ZP3: variants seen among roughly 807,000 people sequenced by gnomAD.
The protein encoded by ZP3 is zona pellucida glycoprotein 3.
A neutral mutation model predicts 35.6 loss-of-function variants in ZP3; 21 were observed. That is an observed-to-expected ratio of 0.59 (90% CI 0.42 to 0.85). ZP3 has a LOEUF of 0.85. Among genes scored for constraint, ZP3 ranks in the 40% least tolerant of loss-of-function variants. ZP3 has a pLI of 0.00. For missense variants in ZP3, 437 were observed against 536.5 expected (o/e 0.81, Z 1.83); for synonymous variants, 207 against 214.5 (o/e 0.96, Z 0.31).
chr7:76,423,021 G>GAAAGAAAGAAAGAA (rs760922020), upstream of ZP3, among the ~76,000 whole-genome samples: 82 of 72,786 alleles, frequency 1.1e-3, no homozygotes, highest in Non-Finnish European at 1.9e-3. Flanking sequence ...GAGAGAGAGA[G>GAAAGAAAGAAAGAA]AGAGAGAAAG....
intron 1 of ZP3, chr7:76,400,267 G>T (rs374554032): frequency 1.4e-6 from 2 of 1,443,842 alleles, no homozygotes; most frequent in African/African-American, 2.9e-5. Flanking sequence ...GTCCCTCCAG[G>T]TCCCAGGGCT....
chr7:76,406,389 T>C (rs958504275), intron 1 of ZP3, among the ~76,000 whole-genome samples: 1 of 152,234 alleles, frequency 6.6e-6, no homozygotes, highest in African/African-American at 2.4e-5. Flanking sequence ...AATTGTACAA[T>C]GCCTTCTAAA....
intron 1 of ZP3, among the ~76,000 whole-genome samples, chr7:76,427,211 G>T (rs1310569459): frequency 2.0e-5 from 3 of 151,990 alleles, no homozygotes. Context: ...TCCCAGTTTT[G>T]CCCGGTGAGA....
At chr7:76,399,980 G>T (rs1015690955) in intron 1 of ZP3, among the ~76,000 whole-genome samples, 7 of 152,156 alleles carry the variant, frequency 4.6e-5, no homozygotes, top group Non-Finnish European at 1.0e-4. Context: ...CAAACAGTGA[G>T]ACCTCATCTC....
intron 5 of ZP3, among the ~76,000 whole-genome samples, chr7:76,439,151 A>AC (rs1806118034): frequency 6.9e-6 from 1 of 144,748 alleles, no homozygotes; most frequent in African/African-American, 2.5e-5. Flanking sequence ...AAAAAAAAAA[A>AC]CCTCTTAAGT....
chr7:76,430,898 CCA>C (rs1185369251), intron 2 of ZP3, among the ~76,000 whole-genome samples: 3 of 152,158 alleles, frequency 2.0e-5, no homozygotes, highest in Non-Finnish European at 4.4e-5. Context: ...AGCCATGTGG[CCA>C]CACACCCAAC....
chr7:76,437,861 C>T (rs1423871979), intron 5 of ZP3, among the ~76,000 whole-genome samples: 31 of 152,318 alleles, frequency 2.0e-4, no homozygotes, highest in African/African-American at 7.2e-4. Context: ...CTCCAGTTAG[C>T]ACCAGAAAAA....
rs1193527373 is a variant in ZP3 at position 76,405,339 on chromosome 7, C to CTT, written c.-67+7563_-67+7564dup. On this transcript the variant is annotated intron_variant, in intron 1 of 8. Coordinates refer to the ZP3 transcript ENST00000336517. ...TATGTATTTTTTTCTTTCTTTCTTT[C>CTT]TTTTTTTTTTTTTTTTTTTTTTGGT... Among the ~76,000 whole-genome samples, 7 of 21,386 alleles carry CTT rather than the reference C, an allele frequency of 3.3e-4. No individual in the cohort carries two copies. The East Asian group carries it at 7.4e-3, about 23-fold the overall frequency. 14.0% of individuals were successfully genotyped at this position (21,386 alleles called of 152,430 possible). A position where few individuals can be genotyped will look rare whatever the true frequency, so the allele number is the denominator to read the frequency against.
chr7:76,413,106 G>A lies in ZP3; in HGVS notation c.-66-11946G>A, dbSNP rs1027141211. Among the ~76,000 whole-genome samples, 34 of 151,606 alleles carry A rather than the reference G, an allele frequency of 2.2e-4. 1 individual carries two copies. The highest frequency in any genetic ancestry group is 7.4e-5 in the Non-Finnish European group (5 of 67,918). On this transcript the variant is annotated intron_variant, in intron 1 of 8. Transcript: ENST00000336517. The stretch of plus-strand genomic sequence containing the variant: ...GCCTCCCAAGTAGCTGGGACTACAG[G>A]CGCGTGCCACTGCGCCCAGCTAATT...
Position 76,425,065 on chromosome 7 carries a change from A to T in ZP3, c.101A>T (p.His34Leu). The change falls in exon 1 of 8, where the codon CAT (histidine) becomes CTT (leucine). Residue 34 changes from histidine (H) to leucine (L), a missense_variant. By Grantham distance (99) the His-to-Leu change is moderately conservative. This residue lies in a region of ZP3 where 352 missense variants were observed against 308.4 expected (regional missense o/e 1.14). Transcript: ENST00000394857. The part of the protein sequence containing the change: ...PLWLLQGGAS[H>L]PETSVQPVLV... ...TGGCTCTTGCAGGGTGGAGCCAGCC[A>T]TCCTGAGACGTCCGTACAGCCCGTA... 6 of 1,612,750 alleles carry T rather than the reference A, an allele frequency of 3.7e-6. No individual in the cohort carries two copies. Among genetic ancestry groups the T allele is most frequent in the Non-Finnish European group, 5.1e-6 (6 of 1,179,648 alleles).
chr7:76,426,925 C>T (rs1380450088), intron 1 of ZP3, among the ~76,000 whole-genome samples: 1 of 127,834 alleles, frequency 7.8e-6, no homozygotes, highest in Non-Finnish European at 1.6e-5. Context: ...TGTGGTGGCG[C>T]CTGCCTTTAG....
chr7:76,432,817 G>A, intron 2 of ZP3, 110 bp from the exon 3 acceptor site: 2 of 867,852 alleles, frequency 2.3e-6, no homozygotes, highest in South Asian at 3.3e-5. Flanking sequence ...ACCTGGCTGG[G>A]CCATAGCTGA....
At chr7:76,422,302 G>A (rs989178193), upstream of ZP3, among the ~76,000 whole-genome samples, 3 of 152,026 alleles carry the variant, frequency 2.0e-5, no homozygotes, top group Non-Finnish European at 4.4e-5. Context: ...CTCCTAAATT[G>A]CTACTCTCAC....
At chr7:76,411,013 A>AAAAAAAAGAAAAG (rs1554623386) in intron 1 of ZP3, among the ~76,000 whole-genome samples, 1 of 131,140 alleles carries the variant, frequency 7.6e-6, no homozygotes, top group African/African-American at 3.1e-5. Flanking sequence ...AAAAAAAAAA[A>AAAAAAAAGAAAAG]AAAAGAAAAG....
chr7:76,412,745 A>G (rs1260394149), intron 1 of ZP3, among the ~76,000 whole-genome samples: 1 of 151,702 alleles, frequency 6.6e-6, no homozygotes, highest in Admixed American at 6.6e-5. Flanking sequence ...GCTACTCGGG[A>G]GGCTGACGCA....
intron 1 of ZP3, among the ~76,000 whole-genome samples, chr7:76,416,923 TACACATACATATGTATACATAC>T (rs1563692877): frequency 1.5e-5 from 2 of 133,236 alleles, no homozygotes; most frequent in African/African-American, 5.7e-5. Context: ...TACATATATA[TACACATACATATGTATACATAC>T]ATATATATAT....
intron 1 of ZP3, among the ~76,000 whole-genome samples, chr7:76,405,912 C>T (rs1323934404): frequency 6.6e-6 from 1 of 151,948 alleles, no homozygotes; most frequent in East Asian, 1.9e-4. Context: ...CCCTCCTTCC[C>T]TCCCTCTCTC....
Position 76,397,619 on chromosome 7 carries a change from A to C in ZP3, c.-245A>C, listed in dbSNP as rs201010357. On this transcript the variant is annotated 5_prime_UTR_variant, in exon 1 of 9. Transcript: ENST00000336517. ...GCGGGGCTCGCCGCCTTCGCAGTGC[A>C]CGTTGTCCAGCAGGATGTGTCCGGT... 8 of 1,613,024 alleles carry C rather than the reference A, an allele frequency of 5.0e-6. No homozygotes were observed. In the Admixed American group the frequency reaches 1.3e-4, roughly 27 times the overall value.
upstream of ZP3, among the ~76,000 whole-genome samples, chr7:76,424,747 T>C (rs1805597473): frequency 6.6e-6 from 1 of 152,110 alleles, no homozygotes; most frequent in Non-Finnish European, 1.5e-5. Flanking sequence ...AAAAACCAAA[T>C]TCTGCTGTGG....
Sources: gnomAD v4.1 joint callset for allele counts (sites outside exome capture counted in the v4.1 genomes callset) on GRCh38, gnomAD v4.1.1 for gene constraint, gnomAD v4.1.1 regional missense constraint, MANE v1.5 for transcripts, NCBI Gene and HGNC (gene_info 2026-07-23, HGNC 2026-07-21) for gene names.